PRP4K: variants seen among roughly 807,000 people sequenced by gnomAD.
The protein encoded by PRP4K is pre-mRNA processing factor kinase PRP4K.
At chr6:4,037,770 C>G in the PRP4K span, among the ~76,000 whole-genome samples, 2 of 151,690 alleles carry the variant, frequency 1.3e-5, no homozygotes. Flanking sequence ...AATCATTGCT[C>G]ATTTAGGATG....
chr6:4,063,199 A>G, the PRP4K span: 1 of 152,024 alleles, frequency 6.6e-6, no homozygotes, highest in Non-Finnish European at 1.5e-5. Flanking sequence ...CAGCATTATG[A>G]TTTGGGTTTT....
the PRP4K span, chr6:4,048,997 G>A: frequency 1.9e-6 from 3 of 1,593,706 alleles, no homozygotes; most frequent in Non-Finnish European, 1.7e-6. Flanking sequence ...AACTGTTCAT[G>A]TTGCCTCTTT....
At chr6:4,037,154 A>G in the PRP4K span, among the ~76,000 whole-genome samples, 4 of 152,130 alleles carry the variant, frequency 2.6e-5, no homozygotes, top group Non-Finnish European at 5.9e-5. Context: ...CTTTACCGGT[A>G]TGAATAACCT....
the PRP4K span, among the ~76,000 whole-genome samples, chr6:4,033,681 A>C: frequency 2.0e-5 from 3 of 152,184 alleles, no homozygotes; most frequent in Non-Finnish European, 4.4e-5. Flanking sequence ...TACTGTGTTC[A>C]TAATAATATT....
the PRP4K span, chr6:4,051,945 T>C: frequency 2.5e-5 from 37 of 1,501,462 alleles, no homozygotes; most frequent in Non-Finnish European, 3.2e-5. Context: ...CCAATTTTTT[T>C]TTTTATTTTA....
chr6:4,042,393 C>G, the PRP4K span: 1 of 938,856 alleles, frequency 1.1e-6, no homozygotes, highest in East Asian at 2.7e-5. Context: ...TTTGCTCTAA[C>G]TTACTGATAC....
At chr6:4,059,896 T>G in the PRP4K span, among the ~76,000 whole-genome samples, 1 of 152,318 alleles carries the variant, frequency 6.6e-6, no homozygotes, top group East Asian at 1.9e-4. Context: ...CCACCTACCT[T>G]GGGCTTCCAA....
chr6:4,041,067 G>A, the PRP4K span: 1 of 920,196 alleles, frequency 1.1e-6, no homozygotes, highest in Non-Finnish European at 1.6e-6. Flanking sequence ...TTAGTCTTTT[G>A]TGAATATTGT....
the PRP4K span, among the ~76,000 whole-genome samples, chr6:4,026,607 G>GT: frequency 1.3e-5 from 2 of 152,066 alleles, no homozygotes; most frequent in Non-Finnish European, 2.9e-5. Flanking sequence ...CCGGCCTTAT[G>GT]TTATTCTATA....
the PRP4K span, chr6:4,061,488 A>C: frequency 6.5e-6 from 1 of 152,672 alleles, no homozygotes; most frequent in Non-Finnish European, 1.5e-5. Context: ...TACTAATTAC[A>C]AATGTTGAGG....
chr6:4,047,225 G>T, the PRP4K span: 1 of 1,612,452 alleles, frequency 6.2e-7, no homozygotes, highest in Non-Finnish European at 8.5e-7. Context: ...AGAATCTGAT[G>T]ATATGTTTGC....
the PRP4K span, chr6:4,064,868 G>A: frequency 6.6e-6 from 1 of 152,618 alleles, no homozygotes; most frequent in Admixed American, 6.5e-5. Flanking sequence ...TTCTGAAAAT[G>A]CTCAGTGTGT....
At chr6:4,060,238 A>C in the PRP4K span, among the ~76,000 whole-genome samples, 1 of 152,290 alleles carries the variant, frequency 6.6e-6, no homozygotes, top group East Asian at 1.9e-4. The surrounding 1 kb of genome is among the most constrained non-coding windows in gnomAD (Gnocchi z 4.7). Context: ...TTCCAATCTT[A>C]AGGGACCACT....
the PRP4K span, among the ~76,000 whole-genome samples, chr6:4,041,512 A>C: frequency 1.3e-5 from 2 of 152,182 alleles, no homozygotes; most frequent in South Asian, 4.1e-4. Flanking sequence ...TGATCACACC[A>C]CTGCACTCCA....
At chr6:4,044,912 G>T in the PRP4K span, among the ~76,000 whole-genome samples, 1 of 149,492 alleles carries the variant, frequency 6.7e-6, no homozygotes, top group Non-Finnish European at 1.5e-5. Flanking sequence ...ACCGAGGCTG[G>T]AGTGCAGTGG....
the PRP4K span, chr6:4,064,212 G>A: frequency 1.3e-5 from 2 of 152,326 alleles, no homozygotes; most frequent in Non-Finnish European, 2.9e-5. Flanking sequence ...GAAATGTTTT[G>A]CCATTATTAA....
the PRP4K span, chr6:4,041,066 T>G: frequency 1.1e-6 from 1 of 919,610 alleles, no homozygotes; most frequent in East Asian, 2.7e-5. Context: ...GTTAGTCTTT[T>G]GTGAATATTG....
chr6:4,039,722 A>G, the PRP4K span, among the ~76,000 whole-genome samples: 2 of 152,034 alleles, frequency 1.3e-5, no homozygotes, highest in East Asian at 1.9e-4. Flanking sequence ...ATTCAGCTCA[A>G]TTTGATCTGT....
At chr6:4,060,992 T>A in the PRP4K span, 1 of 242,196 alleles carries the variant, frequency 4.1e-6, no homozygotes. This position sits in a 1 kb window ranked among gnomAD's most constrained non-coding sequence, Gnocchi z 4.7. Flanking sequence ...GCATAAATGC[T>A]GTTTATATTC....
Sources: gnomAD v4.1 joint callset for allele counts (sites outside exome capture counted in the v4.1 genomes callset) on GRCh38, gnomAD v4.1.1 for gene constraint, Gnocchi (gnomAD v3.1) non-coding constraint, MANE v1.5 for transcripts, NCBI Gene and HGNC (gene_info 2026-07-23, HGNC 2026-07-21) for gene names.